Variants in BPTF observed in about 807,000 individuals in gnomAD.
BPTF encodes the protein bromodomain PHD finger transcription factor.
In BPTF, 18 loss-of-function variants were observed where a neutral mutation model predicts 292.5. The observed-to-expected ratio is 0.06, with a 90% confidence interval of 0.04 to 0.09. The LOEUF (loss-of-function observed/expected upper bound fraction) is 0.09, where lower values mean the gene tolerates loss of function less well. BPTF is among the 10% of genes least tolerant of loss of function. The pLI, the probability that BPTF is intolerant of heterozygous loss-of-function variation, is 1.00. For synonymous variants in BPTF, 1,225 were observed against 1,251.9 expected, an observed-to-expected ratio of 0.98 and a Z score of 0.45; for missense variants, 2,726 against 3,498.7, an observed-to-expected ratio of 0.78 and a Z score of 5.57.
intron 4 of BPTF, among the ~76,000 whole-genome samples, chr17:67,887,361 G>A (rs1045414891): frequency 2.0e-5 from 3 of 151,806 alleles, no homozygotes; most frequent in Admixed American, 1.3e-4. Flanking sequence ...TCAATTTTAC[G>A]TATATTTGCA....
At position 67,912,999 on chromosome 17, in the gene BPTF, G is replaced by A. The variant is rs1202014409; in HGVS notation, c.5115G>A (p.Leu1705=). 1 of 1,614,060 alleles carries A rather than the reference G, an allele frequency of 6.2e-7. No individual in the cohort carries two copies. The highest frequency in any genetic ancestry group is 8.5e-7 in the Non-Finnish European group (1 of 1,180,036). ...AGAAGACTCGTTCAGGTACAGCTCTGCCATCCTATAGAAAATTTGTTACCA... is the reference window on the plus strand; with the variant it reads ...AGAAGACTCGTTCAGGTACAGCTCTACCATCCTATAGAAAATTTGTTACCA... ...RPKKTRSGTA[L]PSYRKFVTKS... is the part of the protein sequence containing the mutation. The change falls in exon 11 of 28, where the codon CTG becomes CTA. Residue 1705 remains leucine (L), a synonymous_variant. Coordinates refer to ENST00000306378, the MANE Select transcript of BPTF (RefSeq NM_182641.4).
chr17:67,896,053 C>T (rs922211791), intron 7 of BPTF, among the ~76,000 whole-genome samples: 19 of 151,372 alleles, frequency 1.3e-4, no homozygotes, highest in Non-Finnish European at 2.5e-4. Flanking sequence ...AGCTCCGCCT[C>T]CCGGGTTCAC....
rs1388898249 is a variant in BPTF, at chr17:67,935,298, A to G, written c.6259+3279A>G. ...AAAAATTAGCCAGGCGTGGTGGCACATGCCTGTGGTTTCAGCCACTTGGGA... is the reference window on the plus strand; with the variant it reads ...AAAAATTAGCCAGGCGTGGTGGCACGTGCCTGTGGTTTCAGCCACTTGGGA... On this transcript the variant is annotated intron_variant, in intron 18 of 27. Transcript: ENST00000306378. Among the ~76,000 whole-genome samples the G allele has an allele frequency of 2.4e-4, 37 of 152,002 alleles. 1 individual carries two copies. Among genetic ancestry groups the G allele is most frequent in the Admixed American group, 2.4e-3 (37 of 15,256 alleles).
chr17:67,939,449 T>C lies in BPTF; in HGVS notation c.6260-990T>C, dbSNP rs779606120. On this transcript the variant is annotated intron_variant, in intron 18 of 27. Transcript: ENST00000306378. ...CCAAAAAATTATTCTTAGCAACTGT[T>C]CTACATGGGGGAAAATTCCACTTGC... is the stretch of plus-strand genomic sequence containing the variant. Among the ~76,000 whole-genome samples, 73 of 152,342 alleles carry C rather than the reference T, an allele frequency of 4.8e-4. 1 individual carries two copies. Among genetic ancestry groups the C allele is most frequent in the Middle Eastern group, 3.4e-3 (1 of 294 alleles).
At chr17:67,908,041 G>A (rs1207693546) in intron 9 of BPTF, among the ~76,000 whole-genome samples, 1 of 152,146 alleles carries the variant, frequency 6.6e-6, no homozygotes, top group Non-Finnish European at 1.5e-5. Flanking sequence ...GAGGATCATA[G>A]CATTTATCCA....
At chr17:67,906,522 G>A (rs2062211126) in intron 9 of BPTF, among the ~76,000 whole-genome samples, 1 of 152,120 alleles carries the variant, frequency 6.6e-6, no homozygotes, top group Non-Finnish European at 1.5e-5. Flanking sequence ...TTTCACGAGG[G>A]TGCCAGGTGA....
chr17:67,865,850 C>T (rs577269584), intron 2 of BPTF, among the ~76,000 whole-genome samples: 44 of 152,162 alleles, frequency 2.9e-4, no homozygotes, highest in African/African-American at 1.1e-3. Context: ...GTTTGGGCTT[C>T]GATTGTCCAG....
intron 26 of BPTF, chr17:67,975,404 A>T (rs1443625568): frequency 6.3e-6 from 1 of 158,920 alleles, no homozygotes; most frequent in African/African-American, 2.4e-5. Context: ...TTAATTCTGG[A>T]TTCCCATCTT....
At chr17:67,860,913 T>C (rs569188002) in intron 2 of BPTF, among the ~76,000 whole-genome samples, 76 of 152,376 alleles carry the variant, frequency 5.0e-4, no homozygotes, top group Non-Finnish European at 9.4e-4. Flanking sequence ...AAACTATGCT[T>C]TTAAATCTAT....
intron 11 of BPTF, among the ~76,000 whole-genome samples, chr17:67,917,279 C>T (rs1395210855): frequency 6.6e-6 from 1 of 151,440 alleles, no homozygotes; most frequent in African/African-American, 2.4e-5. Context: ...ATTACAGGCG[C>T]CCGCCACCAT....
chr17:67,906,008 C>T (rs772491291), intron 9 of BPTF, among the ~76,000 whole-genome samples: 1 of 152,048 alleles, frequency 6.6e-6, no homozygotes, highest in Non-Finnish European at 1.5e-5. Flanking sequence ...ATGTCACAAA[C>T]CTGCACGTTG....
At chr17:67,965,615 TC>T (rs2068015600) in intron 25 of BPTF, 1 of 148,368 alleles carries the variant, frequency 6.7e-6, no homozygotes, top group Non-Finnish European at 1.5e-5. Context: ...GGCAGGAGAA[TC>T]TCTTGAACCC....
chr17:67,917,131 C>CCTTTTTTTTTTTTTTTTTTT (rs2063065953), intron 11 of BPTF, among the ~76,000 whole-genome samples: 9 of 105,792 alleles, frequency 8.5e-5, no homozygotes, highest in African/African-American at 3.3e-4. Flanking sequence ...TGGTATTGTC[C>CCTTTTTTTTTTTTTTTTTTT]TTTTTTTTTT....
intron 22 of BPTF, 85 bp from the exon 23 acceptor site, chr17:67,947,996 C>T: frequency 7.2e-7 from 1 of 1,391,070 alleles, no homozygotes; most frequent in South Asian, 1.3e-5. Flanking sequence ...GTTTTTGTCT[C>T]ATCTGTAGAG....
At position 67,934,870 on chromosome 17, in the gene BPTF, C is replaced by CAAAAAAAAA. The variant is rs569120237; in HGVS notation, c.6259+2862_6259+2870dup. Reference sequence around the variant, plus strand: ...CTGAGCAATGAGCGAAACTCTGTCTCAAAAAAAAAAAAAAAAAAAGCATGT... The same window carrying CAAAAAAAAA: ...CTGAGCAATGAGCGAAACTCTGTCTCAAAAAAAAAAAAAAAAAAAAAAAAAAAAGCATGT... On this transcript the variant is annotated intron_variant, in intron 18 of 27. Coordinates refer to ENST00000306378, the MANE Select transcript of BPTF (RefSeq NM_182641.4). 7.2e-3 allele frequency among the ~76,000 whole-genome samples: 651 copies of CAAAAAAAAA among 90,992 alleles called. 84 individuals are homozygous for CAAAAAAAAA. Among genetic ancestry groups the CAAAAAAAAA allele is most frequent in the African/African-American group, 0.034 (597 of 17,424 alleles). 59.7% of individuals were successfully genotyped at this position (90,992 alleles called of 152,430 possible).
chr17:67,929,536 A>G, intron 17 of BPTF, 49 bp downstream of exon 17: 2 of 1,569,482 alleles, frequency 1.3e-6, no homozygotes, highest in African/African-American at 1.4e-5. Flanking sequence ...AGCACATCAC[A>G]TTATTTTTAG....
intron 1 of BPTF, among the ~76,000 whole-genome samples, chr17:67,841,352 T>G (rs1300885586): frequency 2.0e-5 from 3 of 152,074 alleles, no homozygotes; most frequent in African/African-American, 7.2e-5. Context: ...GAGGTTGCAG[T>G]GAGTCGAGAT....
intron 2 of BPTF, among the ~76,000 whole-genome samples, chr17:67,857,939 C>A (rs1287536613): frequency 6.6e-6 from 1 of 152,008 alleles, no homozygotes; most frequent in Non-Finnish European, 1.5e-5. Context: ...AGGCATGCGC[C>A]ACCACACCCA....
intron 7 of BPTF, among the ~76,000 whole-genome samples, chr17:67,896,681 G>A (rs909563196): frequency 6.6e-6 from 1 of 152,174 alleles, no homozygotes; most frequent in Non-Finnish European, 1.5e-5. Flanking sequence ...TGCTTGAAAG[G>A]TAAGAAATAC....
Sources: gnomAD v4.1 joint callset for allele counts (sites outside exome capture counted in the v4.1 genomes callset) on GRCh38, gnomAD v4.1.1 for gene constraint, MANE v1.5 for transcripts, NCBI Gene and HGNC (gene_info 2026-07-23, HGNC 2026-07-21) for gene names.